Variants in BPIFB4 observed in about 807,000 individuals in gnomAD.
BPIFB4 encodes the protein BPI fold containing family B member 4.
Under a neutral mutation model 69.2 loss-of-function variants are expected in BPIFB4, and 62 were observed. That is an observed-to-expected ratio of 0.90 (90% confidence interval 0.73 to 1.11). The LOEUF (loss-of-function observed/expected upper bound fraction) is 1.11. Ranked by LOEUF, BPIFB4 falls within the 50% of genes least tolerant of loss-of-function variation. The pLI is 0.00. For synonymous variants in BPIFB4, 330 were observed against 332.7 expected, an observed-to-expected ratio of 0.99 and a Z score of 0.09; for missense variants, 789 against 792.0, an observed-to-expected ratio of 1.00 and a Z score of 0.04.
chr20:33,106,195 A>G (rs1043089568), intron 16 of BPIFB4, among the ~76,000 whole-genome samples: 1 of 152,074 alleles, frequency 6.6e-6, no homozygotes, highest in Non-Finnish European at 1.5e-5. Context: ...CTCTTTCTAG[A>G]ACAGTAATTA....
At chr20:33,105,116 C>T (rs751248496) in intron 16 of BPIFB4, among the ~76,000 whole-genome samples, 32 of 151,860 alleles carry the variant, frequency 2.1e-4, no homozygotes, top group Admixed American at 7.2e-4. Flanking sequence ...ATGAAAATTC[C>T]GATTATGTAT....
chr20:33,084,291 G>C (rs891335670), intron 5 of BPIFB4, among the ~76,000 whole-genome samples: 35 of 152,342 alleles, frequency 2.3e-4, no homozygotes, highest in African/African-American at 8.2e-4. Flanking sequence ...GCTATGTGCA[G>C]AGTACTGTGT....
intron 11 of BPIFB4, 33 bp downstream of exon 11, chr20:33,092,691 G>A: frequency 6.3e-7 from 1 of 1,575,392 alleles, no homozygotes; most frequent in South Asian, 1.1e-5. Flanking sequence ...GGAGGTGGCT[G>A]GGCAGCAGAC....
intron 10 of BPIFB4, among the ~76,000 whole-genome samples, chr20:33,091,470 C>T (rs969715610): frequency 1.3e-5 from 2 of 152,238 alleles, no homozygotes; most frequent in African/African-American, 4.8e-5. Flanking sequence ...GGGGCACGCA[C>T]ACATATGTAC....
intron 7 of BPIFB4, among the ~76,000 whole-genome samples, chr20:33,087,746 A>ACG (rs1981474562): frequency 6.7e-6 from 1 of 148,702 alleles, no homozygotes; most frequent in Non-Finnish European, 1.5e-5. Flanking sequence ...ACACACACAC[A>ACG]CACACACAAG....
chr20:33,089,671 G>C lies in BPIFB4; in HGVS notation c.1051+113G>C, dbSNP rs547519322. 4.6e-6 allele frequency: 7 copies of C among 1,532,788 alleles called. No individual in the cohort carries two copies. In the East Asian group the frequency reaches 1.7e-4, roughly 37 times the overall value. The allele number at this position is 1,532,788 out of a possible 1,614,324, so 94.9% of individuals were successfully genotyped here. A position where few individuals can be genotyped will look rare whatever the true frequency, so the allele number is the denominator to read the frequency against. On this transcript the variant is annotated intron_variant, in intron 9 of 17. Transcript: ENST00000375483. ...AGACCTGCCCTTAGGCCCTTGAAGT[G>C]AGGAGTGGCTAATGCCACAAGGGAG... is the stretch of plus-strand genomic sequence containing the variant.
chr20:33,104,051 GAAGGTAAGCTC>G (rs1248638601), intron 15 of BPIFB4, among the ~76,000 whole-genome samples: 1 of 152,168 alleles, frequency 6.6e-6, no homozygotes, highest in African/African-American at 2.4e-5. Context: ...TCCAAATAAG[GAAGGTAAGCTC>G]AAGTGACTTG....
At chr20:33,093,219 C>T (rs1981659567) in intron 11 of BPIFB4, among the ~76,000 whole-genome samples, 1 of 152,140 alleles carries the variant, frequency 6.6e-6, no homozygotes, top group Non-Finnish European at 1.5e-5. Context: ...ACCCTCCTAC[C>T]CACCCACTCC....
intron 11 of BPIFB4, among the ~76,000 whole-genome samples, chr20:33,093,201 G>A (rs1051921399): frequency 1.6e-4 from 25 of 151,924 alleles, no homozygotes; most frequent in African/African-American, 4.6e-4. Flanking sequence ...CTACCTATGC[G>A]TCCATTCACC....
chr20:33,083,936 TC>T, intron 5 of BPIFB4, 62 bp downstream of exon 5: 1 of 1,507,498 alleles, frequency 6.6e-7, no homozygotes, highest in Middle Eastern at 2.1e-4. Context: ...GGGTGATCAC[TC>T]CCTGAAGCTG....
Position 33,097,782 on chromosome 20 carries a change from G to C in BPIFB4, c.1564G>C (p.Asp522His). 1 of 1,611,558 alleles carries C rather than the reference G, an allele frequency of 6.2e-7. No homozygotes were observed. The highest frequency in any genetic ancestry group is 8.5e-7 in the Non-Finnish European group (1 of 1,178,730). Reference protein sequence around the residue: ...KDLETTICLIDVDTEFLASFS... With the variant: ...KDLETTICLIHVDTEFLASFS... ...CCTGGAGACTACCATCTGCCTCATT[G>C]ACGTGGTGAGTGTCTGGAGGTACTG... Residue 522 changes from aspartate to histidine, a missense_variant, in exon 13 of 18, where the codon GAC (aspartate) becomes CAC (histidine). This residue lies in a region of BPIFB4 where 170 missense variants were observed against 193.6 expected (regional missense o/e 0.88). Coordinates refer to ENST00000375483, the MANE Select transcript of BPIFB4 (RefSeq NM_182519.3).
intron 2 of BPIFB4, among the ~76,000 whole-genome samples, chr20:33,081,210 A>G (rs891944543): frequency 3.3e-5 from 5 of 152,300 alleles, no homozygotes; most frequent in Admixed American, 1.3e-4. Context: ...TGGAATCCCT[A>G]TTACCCATCT....
At position 33,087,844 on chromosome 20, in the gene BPIFB4, C is replaced by G. The variant is rs200843239; in HGVS notation, c.927-1122C>G. On this transcript the variant is annotated intron_variant, in intron 7 of 17. Coordinates refer to ENST00000375483, the MANE Select transcript of BPIFB4 (RefSeq NM_182519.3). ...CAGGATAAGCCCGTCAAGGTGAATC[C>G]ACTTAAAAGGGGGACCGAAATGCAT... Among the ~76,000 whole-genome samples the G allele has an allele frequency of 2.0e-5, 3 of 152,110 alleles. No individual in the cohort carries two copies. The East Asian group carries it at 5.8e-4, about 29-fold the overall frequency.
intron 15 of BPIFB4, 197 bp from the exon 16 acceptor site, chr20:33,104,613 C>T (rs1295578074): frequency 3.6e-6 from 2 of 560,780 alleles, no homozygotes; most frequent in Non-Finnish European, 6.3e-6. Context: ...CCCATCTGCA[C>T]AATGTGCAAG....
Position 33,083,635 on chromosome 20 carries a change from G to A in BPIFB4, c.438G>A (p.Arg146=). 1.9e-6 allele frequency: 3 copies of A among 1,614,104 alleles called. No homozygotes were observed. The South Asian group carries it at 3.3e-5, about 18-fold the overall frequency. ...LGRYRAAPVG[R]LHRRELQPGE... is the part of the protein sequence containing the mutation. ...GATACAGGGCAGCACCTGTGGGCAG[G>A]CTTCACCGGCGAGAGCTGCAGCCTG... is the stretch of plus-strand genomic sequence containing the variant. Residue 146 remains arginine (R), a synonymous_variant, in exon 5 of 18, where the codon AGG becomes AGA. Transcript: ENST00000375483.
chr20:33,091,865 G>A (rs1433817596), intron 10 of BPIFB4, among the ~76,000 whole-genome samples: 1 of 152,248 alleles, frequency 6.6e-6, no homozygotes, highest in Non-Finnish European at 1.5e-5. Flanking sequence ...AGAGCCTAAA[G>A]CAGGGGGTGT....
At chr20:33,098,744 CAAA>C (rs11331998) in intron 13 of BPIFB4, among the ~76,000 whole-genome samples, 28 of 107,374 alleles carry the variant, frequency 2.6e-4, no homozygotes, top group Admixed American at 6.0e-4. Context: ...GACTCCATCT[CAAA>C]AAAAAAAAAA....
rs750136244 is a variant in BPIFB4 at position 33,097,748 on chromosome 20, G to A, written c.1530G>A (p.Gln510=). ...CCACTGCCGAGGTCATGGTCTCCCAGCCCAAAGACCTGGAGACTACCATCT... is the reference window on the plus strand; with the variant it reads ...CCACTGCCGAGGTCATGGTCTCCCAACCCAAAGACCTGGAGACTACCATCT... ...VLATAEVMVS[Q]PKDLETTICL... The change falls in exon 13 of 18, where the codon CAG becomes CAA. Residue 510 remains glutamine (Q), a synonymous_variant. Transcript: ENST00000375483. The A allele has an allele frequency of 1.2e-6, 2 of 1,614,096 alleles. No individual in the cohort carries two copies. Among genetic ancestry groups the A allele is most frequent in the African/African-American group, 1.3e-5 (1 of 75,046 alleles).
intron 10 of BPIFB4, among the ~76,000 whole-genome samples, chr20:33,092,114 C>G (rs1292040761): frequency 1.3e-5 from 2 of 152,070 alleles, no homozygotes; most frequent in African/African-American, 4.8e-5. Context: ...GAGCAGATCA[C>G]CTAGCACCTT....
Sources: allele counts gnomAD v4.1 joint callset (sites outside exome capture counted in the v4.1 genomes callset), GRCh38; gene constraint gnomAD v4.1.1; regional missense constraint gnomAD v4.1.1; transcripts MANE v1.5; gene names NCBI Gene and HGNC (gene_info 2026-07-23, HGNC 2026-07-21).